Variants in OR2T6 observed in about 807,000 individuals in gnomAD.
OR2T6 encodes the protein olfactory receptor family 2 subfamily T member 6, also known as olfactory receptor 2T6.
For missense variants in OR2T6, 424 were observed against 391.6 expected (o/e 1.08, Z -0.70); for synonymous variants, 174 against 148.0 (o/e 1.18, Z -1.27).
chr1:248,376,328 A>G (rs970160105), intron 1 of OR2T6, among the ~76,000 whole-genome samples: 3 of 152,208 alleles, frequency 2.0e-5, no homozygotes, highest in African/African-American at 7.2e-5. Flanking sequence ...CTTTAAGAAG[A>G]TTTGATTGAA....
chr1:248,380,433 T>C (rs1237798493), intron 1 of OR2T6, among the ~76,000 whole-genome samples: 2 of 152,092 alleles, frequency 1.3e-5, no homozygotes, highest in Non-Finnish European at 2.9e-5. Context: ...GAATCAACTT[T>C]AAATATTCAG....
intron 2 of OR2T6, among the ~76,000 whole-genome samples, chr1:248,385,791 G>A (rs1191309876): frequency 2.0e-5 from 3 of 152,080 alleles, no homozygotes; most frequent in East Asian, 3.8e-4. Context: ...TATTGCCTTC[G>A]GCAAGATATT....
intron 1 of OR2T6, among the ~76,000 whole-genome samples, chr1:248,381,167 T>C (rs1661023357): frequency 6.6e-6 from 1 of 152,120 alleles, no homozygotes; most frequent in African/African-American, 2.4e-5. Flanking sequence ...CAAACACACA[T>C]GTACACACAT....
chr1:248,386,356 A>G (rs1274985241), intron 2 of OR2T6, among the ~76,000 whole-genome samples: 1 of 152,160 alleles, frequency 6.6e-6, no homozygotes, highest in African/African-American at 2.4e-5. Context: ...TTCAGTCACC[A>G]TCTCCAAGGC....
chr1:248,379,962 C>A (rs1462788028), intron 1 of OR2T6, among the ~76,000 whole-genome samples: 3 of 151,924 alleles, frequency 2.0e-5, no homozygotes, highest in Non-Finnish European at 4.4e-5. Flanking sequence ...TGTGCTGCAC[C>A]CGTTAACTCG....
intron 2 of OR2T6, among the ~76,000 whole-genome samples, chr1:248,385,627 T>G (rs555593419): frequency 3.0e-4 from 46 of 152,334 alleles, no homozygotes; most frequent in Admixed American, 5.9e-4. Flanking sequence ...CACAAGACAA[T>G]GCACAAGCCT....
At chr1:248,382,256 A>G (rs537323441) in intron 1 of OR2T6, among the ~76,000 whole-genome samples, 1 of 152,270 alleles carries the variant, frequency 6.6e-6, no homozygotes, top group Non-Finnish European at 1.5e-5. Flanking sequence ...TGTGTAGGTG[A>G]CTGTGTTTTC....
intron 1 of OR2T6, among the ~76,000 whole-genome samples, chr1:248,376,389 G>A (rs988661899): frequency 6.6e-6 from 1 of 152,156 alleles, no homozygotes; most frequent in Non-Finnish European, 1.5e-5. Context: ...ACTTTTAACT[G>A]AACTAACAAA....
In OR2T6 at chr1:248,388,058, C is replaced by T. The variant is rs750148782; in HGVS notation, c.450C>T (p.Phe150=). Residue 150 remains phenylalanine (F), a synonymous_variant, in exon 3 of 3, where the codon TTC becomes TTT. Transcript: ENST00000641644. ...GGATGATCCTGGCCAGCTCTTGGTT[C>T]GGTGGGGCTTTGGACAGTTTTCTCC... ...VCWMILASSW[F]GGALDSFLLT... 23 of 1,613,868 alleles carry T rather than the reference C, an allele frequency of 1.4e-5. No individual in the cohort carries two copies. Among genetic ancestry groups the T allele is most frequent in the African/African-American group, 4.0e-5 (3 of 74,874 alleles).
intron 2 of OR2T6, among the ~76,000 whole-genome samples, chr1:248,387,007 A>G (rs1192267239): frequency 6.6e-6 from 1 of 152,208 alleles, no homozygotes; most frequent in Non-Finnish European, 1.5e-5. Flanking sequence ...CTCTCCATAA[A>G]TAAAGATTAA....
chr1:248,378,361 T>A (rs1660973284), intron 1 of OR2T6, among the ~76,000 whole-genome samples: 1 of 152,186 alleles, frequency 6.6e-6, no homozygotes, highest in Non-Finnish European at 1.5e-5. Context: ...ATAAAAAAGT[T>A]TTCATAAAGA....
rs1661197280 is a variant in OR2T6, at chr1:248,388,792, T to G, written c.*257T>G. On this transcript the variant is annotated 3_prime_UTR_variant, in exon 3 of 3. Coordinates refer to ENST00000641644, the MANE Select transcript of OR2T6 (RefSeq NM_001005471.2). ...CTTTTGTTTCTACTGATTCCAAGTC[T>G]TCTCTCATATCACTTCTCTGATTGC... is the stretch of plus-strand genomic sequence containing the variant. 1 of 424,328 alleles carries G rather than the reference T, an allele frequency of 2.4e-6. No homozygotes were observed. The highest frequency in any genetic ancestry group is 3.9e-5 in the Admixed American group (1 of 25,898). 26.3% of individuals were successfully genotyped at this position (424,328 alleles called of 1,614,324 possible).
At chr1:248,379,068 A>G (rs1394363083) in intron 1 of OR2T6, among the ~76,000 whole-genome samples, 2 of 152,160 alleles carry the variant, frequency 1.3e-5, no homozygotes, top group East Asian at 1.9e-4. Flanking sequence ...CCAGCTACGC[A>G]GGAGGCTGAG....
In OR2T6 at chr1:248,387,886, C is replaced by G; in HGVS notation, c.278C>G (p.Ser93Cys). 6.3e-7 allele frequency: 1 copy of G among 1,595,988 alleles called. No homozygotes were observed. The highest frequency in any genetic ancestry group is 1.7e-5 in the Admixed American group (1 of 59,252). ...VDYLMGEGTI[S>C]FIACTAQCFL... ...TATCTCATGGGCGAGGGGACCATCT[C>G]TTTCATCGCCTGCACTGCTCAGTGC... The change falls in exon 3 of 3, where the codon TCT becomes TGT. Residue 93 changes from serine (S) to cysteine (C), a missense_variant. Ser to Cys is a moderately radical substitution (Grantham distance 112). Coordinates refer to ENST00000641644, the MANE Select transcript of OR2T6 (RefSeq NM_001005471.2).
Position 248,388,310 on chromosome 1 carries a change from G to A in OR2T6, c.702G>A (p.Arg234=), listed in dbSNP as rs377471669. ...TVHQMTSAEG[R]KKAFATCSSH... is the part of the protein sequence containing the mutation. Reference sequence around the variant, plus strand: ...ATCAGATGACATCGGCTGAAGGGAGGAAGAAGGCCTTTGCCACCTGCTCTT... The same window carrying A: ...ATCAGATGACATCGGCTGAAGGGAGAAAGAAGGCCTTTGCCACCTGCTCTT... The change falls in exon 3 of 3, where the codon AGG becomes AGA. Residue 234 remains arginine (R), a synonymous_variant. Transcript: ENST00000641644. 1 of 1,613,834 alleles carries A rather than the reference G, an allele frequency of 6.2e-7. No homozygotes were observed.
rs1437669680 is a variant in OR2T6, at chr1:248,384,542, A to G, written c.-158-169A>G. Among the ~76,000 whole-genome samples, 4 of 113,808 alleles carry G rather than the reference A, an allele frequency of 3.5e-5. 1 individual carries two copies. The highest frequency in any genetic ancestry group is 1.1e-4 in the African/African-American group (3 of 26,588). 74.7% of individuals were successfully genotyped at this position (113,808 alleles called of 152,430 possible). A position where few individuals can be genotyped will look rare whatever the true frequency, so the allele number is the denominator to read the frequency against. On this transcript the variant is annotated intron_variant, in intron 1 of 2. Coordinates refer to ENST00000641644, the MANE Select transcript of OR2T6 (RefSeq NM_001005471.2). Reference sequence around the variant, plus strand: ...TCCTGATGTGTTTCCTAGTGTTATCATCATGGAGAAAGCACTGCACTAGCC... The same window carrying G: ...TCCTGATGTGTTTCCTAGTGTTATCGTCATGGAGAAAGCACTGCACTAGCC...
In OR2T6 at chr1:248,390,734, A is replaced by C. The variant is rs1661235842; in HGVS notation, c.*2199A>C. ...CAACCAAGAAGATGTTGAGGTACAA[A>C]AAACACAACAAATCAGAAGAGAAGG... On this transcript the variant is annotated 3_prime_UTR_variant, in exon 3 of 3. Transcript: ENST00000641644. 1 of 152,258 alleles carries C rather than the reference A, an allele frequency of 6.6e-6. No homozygotes were observed. Among genetic ancestry groups the C allele is most frequent in the Non-Finnish European group, 1.5e-5 (1 of 68,072 alleles). 9.4% of individuals were successfully genotyped at this position (152,258 alleles called of 1,614,324 possible).
intron 1 of OR2T6, among the ~76,000 whole-genome samples, chr1:248,377,793 T>C (rs1660961700): frequency 6.6e-6 from 1 of 152,230 alleles, no homozygotes; most frequent in African/African-American, 2.4e-5. Flanking sequence ...TCCTGATTGC[T>C]CTACCTTGAG....
At chr1:248,382,361 T>A (rs1661049111) in intron 1 of OR2T6, among the ~76,000 whole-genome samples, 1 of 152,176 alleles carries the variant, frequency 6.6e-6, no homozygotes, top group Non-Finnish European at 1.5e-5. Flanking sequence ...ACACAGTGTA[T>A]TTATTAATGA....
Sources: allele counts gnomAD v4.1 joint callset (sites outside exome capture counted in the v4.1 genomes callset), GRCh38; gene constraint gnomAD v4.1.1; transcripts MANE v1.5; gene names NCBI Gene and HGNC (gene_info 2026-07-23, HGNC 2026-07-21).